FHIT: variants seen among roughly 807,000 people sequenced by gnomAD.
The protein encoded by FHIT is fragile histidine triad diadenosine triphosphatase, also known as bis(5'-adenosyl)-triphosphatase.
In FHIT, 19 loss-of-function variants were observed where a neutral mutation model predicts 17.9. That is an observed-to-expected ratio of 1.06 (90% CI 0.74 to 1.56). The LOEUF (loss-of-function observed/expected upper bound fraction) is 1.56, where lower values mean the gene tolerates loss of function less well. FHIT is among the 40% of genes most tolerant of loss of function. The pLI, the probability that FHIT is intolerant of heterozygous loss-of-function variation, is 0.00. For synonymous variants in FHIT, 81 were observed against 69.7 expected, an observed-to-expected ratio of 1.16 and a Z score of -0.81; for missense variants, 248 against 189.2, an observed-to-expected ratio of 1.31 and a Z score of -1.82.
intron 5 of FHIT, among the ~76,000 whole-genome samples, chr3:60,098,046 G>C (rs1000695532): frequency 5.3e-5 from 8 of 151,700 alleles, no homozygotes; most frequent in Non-Finnish European, 1.0e-4. Context: ...GACATGAACT[G>C]ATTATTTTTT....
intron 3 of FHIT, among the ~76,000 whole-genome samples, chr3:60,965,479 C>T (rs782751643): frequency 6.6e-6 from 1 of 152,196 alleles, no homozygotes; most frequent in Non-Finnish European, 1.5e-5. Context: ...CCCTTGCTGG[C>T]GAGGAGCTAG....
intron 4 of FHIT, among the ~76,000 whole-genome samples, chr3:60,734,972 C>A (rs1477081545): frequency 6.6e-6 from 1 of 152,058 alleles, no homozygotes; most frequent in African/African-American, 2.4e-5. Flanking sequence ...GACTCTGAAC[C>A]AAAGCAATTA....
intron 5 of FHIT, among the ~76,000 whole-genome samples, chr3:60,231,234 T>C (rs1245623879): frequency 3.3e-5 from 5 of 152,346 alleles, no homozygotes; most frequent in African/African-American, 1.2e-4. Flanking sequence ...TATGTGTGTA[T>C]ATGTACACAT....
intron 3 of FHIT, among the ~76,000 whole-genome samples, chr3:60,850,323 TTCTCTCTCTCTCTCTCTCTCTCTCTC>T (rs3046704): frequency 3.3e-5 from 4 of 120,168 alleles, no homozygotes; most frequent in Admixed American, 2.6e-4. Context: ...GTGTCTGCAC[TTCTCTCTCTCTCTCTCTCTCTCTCTC>T]TCTCTCTCTC....
intron 3 of FHIT, among the ~76,000 whole-genome samples, chr3:60,826,138 G>A (rs1553740869): frequency 6.8e-6 from 1 of 147,126 alleles, no homozygotes; most frequent in Non-Finnish European, 1.5e-5. Flanking sequence ...GAAAGGGAGG[G>A]AGGGATGAAT....
At chr3:60,124,065 G>GAGAGAGAGAGAC (rs1553691058) in intron 5 of FHIT, among the ~76,000 whole-genome samples, 3 of 108,288 alleles carry the variant, frequency 2.8e-5, no homozygotes, top group East Asian at 2.5e-4. Context: ...GACAGAGAGA[G>GAGAGAGAGAGAC]AGAGAGATAC....
At chr3:59,890,964 A>T (rs1053651747) in intron 8 of FHIT, among the ~76,000 whole-genome samples, 6 of 152,206 alleles carry the variant, frequency 3.9e-5, no homozygotes, top group Non-Finnish European at 5.9e-5. Context: ...GATGGCCCTA[A>T]GTTAATCAGC....
At chr3:60,721,495 C>T (rs1332939310) in intron 4 of FHIT, among the ~76,000 whole-genome samples, 1 of 152,112 alleles carries the variant, frequency 6.6e-6, no homozygotes, top group Admixed American at 6.6e-5. Flanking sequence ...CCTACCAAGT[C>T]AGAGCTGATA....
At chr3:60,726,688 A>G (rs1215444738) in intron 4 of FHIT, among the ~76,000 whole-genome samples, 2 of 152,220 alleles carry the variant, frequency 1.3e-5, no homozygotes, top group African/African-American at 2.4e-5. Flanking sequence ...CTTACATTAT[A>G]TAGCTCTCTA....
At chr3:61,018,634 C>T (rs9832173) in intron 3 of FHIT, among the ~76,000 whole-genome samples, 41,314 of 152,054 alleles carry the variant, frequency 0.27, 6,520 homozygotes, top group African/African-American at 0.43. Context: ...GGAAAGATTT[C>T]TAAGGCTACT....
intron 5 of FHIT, among the ~76,000 whole-genome samples, chr3:60,061,906 A>T (rs866013050): frequency 1.3e-5 from 2 of 152,314 alleles, no homozygotes; most frequent in Middle Eastern, 3.4e-3. Context: ...GAGAGAAAGC[A>T]AAAGAAAGAG....
chr3:60,540,617 G>C (rs2036155706), intron 4 of FHIT, among the ~76,000 whole-genome samples: 1 of 152,198 alleles, frequency 6.6e-6, no homozygotes, highest in African/African-American at 2.4e-5. Context: ...TTTGCTGATT[G>C]TTGTTGCTGG....
intron 8 of FHIT, among the ~76,000 whole-genome samples, chr3:59,895,819 C>T (rs1704044896): frequency 6.6e-6 from 1 of 152,192 alleles, no homozygotes; most frequent in Non-Finnish European, 1.5e-5. Context: ...TGCTAACATC[C>T]TCACGGGGGC....
intron 8 of FHIT, among the ~76,000 whole-genome samples, chr3:59,837,555 T>A (rs1356368849): frequency 2.0e-5 from 3 of 152,074 alleles, no homozygotes; most frequent in African/African-American, 4.8e-5. Context: ...TTTCATTAGA[T>A]CTTTTATAAA....
At chr3:59,906,097 C>T (rs1704573283) in intron 8 of FHIT, among the ~76,000 whole-genome samples, 1 of 152,128 alleles carries the variant, frequency 6.6e-6, no homozygotes, top group Admixed American at 6.5e-5. Context: ...TTCAAAAGAC[C>T]CCTTCCTCCT....
At chr3:59,899,857 AC>A (rs1704245635) in intron 8 of FHIT, among the ~76,000 whole-genome samples, 2 of 151,962 alleles carry the variant, frequency 1.3e-5, no homozygotes, top group African/African-American at 4.8e-5. Flanking sequence ...AAAAACAAAA[AC>A]AAAAAAAAGA....
intron 5 of FHIT, among the ~76,000 whole-genome samples, chr3:60,252,690 A>G (rs939449158): frequency 1.3e-4 from 20 of 152,094 alleles, no homozygotes; most frequent in African/African-American, 4.6e-4. Context: ...TTTAATAAAC[A>G]GATAATAAAA....
chr3:60,787,080 G>T (rs1672288006), intron 4 of FHIT, among the ~76,000 whole-genome samples: 1 of 151,786 alleles, frequency 6.6e-6, no homozygotes, highest in Non-Finnish European at 1.5e-5. Flanking sequence ...TCCTTATTGT[G>T]TGATATATTA....
intron 4 of FHIT, among the ~76,000 whole-genome samples, chr3:60,793,393 C>T (rs1434416792): frequency 6.6e-6 from 1 of 151,992 alleles, no homozygotes; most frequent in Non-Finnish European, 1.5e-5. Flanking sequence ...ATCTCCAACC[C>T]CTGGGTTCAA....
Sources: gnomAD v4.1 joint callset for allele counts (sites outside exome capture counted in the v4.1 genomes callset) on GRCh38, gnomAD v4.1.1 for gene constraint, MANE v1.5 for transcripts, NCBI Gene and HGNC (gene_info 2026-07-23, HGNC 2026-07-21) for gene names.